NXN: variants seen among roughly 807,000 people sequenced by gnomAD.
NXN encodes the protein nucleoredoxin.
NXN carries 16 observed loss-of-function variants against 48.6 expected under a neutral mutation model. The ratio of observed to expected loss-of-function variants is 0.33; its 90% confidence interval spans 0.22 to 0.50. NXN has a LOEUF of 0.50. NXN is among the 20% of genes least tolerant of loss of function. NXN has a pLI of 0.98. For missense variants in NXN, 492 were observed against 605.5 expected, an observed-to-expected ratio of 0.81 and a Z score of 1.97; for synonymous variants, 281 against 269.6, an observed-to-expected ratio of 1.04 and a Z score of -0.41.
At position 979,241 on chromosome 17, in the gene NXN, G is replaced by GGGTAACGGGCGTGGGGGGCGGGCA. The variant is rs1348144578; in HGVS notation, c.360+54_360+77dup. 16 of 1,076,798 alleles carry GGGTAACGGGCGTGGGGGGCGGGCA rather than the reference G, an allele frequency of 1.5e-5. No homozygotes were observed. The African/African-American group carries it at 3.1e-4, about 21-fold the overall frequency. 66.7% of individuals were successfully genotyped at this position (1,076,798 alleles called of 1,614,324 possible). A position where few individuals can be genotyped will look rare whatever the true frequency, so the allele number is the denominator to read the frequency against. ...GGACAACGGGGTTGGCGGAGGGCAG[G>GGGTAACGGGCGTGGGGGGCGGGCA]GGTAACGGGCGTGGGGGGCGGGCAG... On this transcript the variant is annotated intron_variant, in intron 1 of 7. Coordinates refer to ENST00000336868, the MANE Select transcript of NXN (RefSeq NM_022463.5).
intron 5 of NXN, among the ~76,000 whole-genome samples, chr17:816,429 C>T (rs1038849462): frequency 5.9e-5 from 9 of 152,124 alleles, no homozygotes; most frequent in Admixed American, 2.6e-4. Flanking sequence ...TGCAAGAAAA[C>T]GTGTCGGCCG....
intron 1 of NXN, among the ~76,000 whole-genome samples, chr17:936,144 T>C (rs2068905434): frequency 6.7e-6 from 1 of 149,310 alleles, no homozygotes; most frequent in Admixed American, 6.7e-5. Flanking sequence ...CCATCGATTG[T>C]CCTCCAAAAG....
chr17:977,714 G>A (rs544247304), intron 1 of NXN, among the ~76,000 whole-genome samples: 4 of 152,300 alleles, frequency 2.6e-5, no homozygotes, highest in Middle Eastern at 3.4e-3. Context: ...GAAACTTGCC[G>A]TAACAATGAA....
At chr17:912,980 AAAAG>A (rs1002419415) in intron 1 of NXN, among the ~76,000 whole-genome samples, 1 of 152,126 alleles carries the variant, frequency 6.6e-6, no homozygotes, top group Non-Finnish European at 1.5e-5. Context: ...AAGGACGGAA[AAAAG>A]AAAGAAAGAA....
At chr17:835,121 A>G (rs975406414) in intron 1 of NXN, among the ~76,000 whole-genome samples, 2 of 150,924 alleles carry the variant, frequency 1.3e-5, no homozygotes, top group African/African-American at 2.4e-5. Context: ...ATCCTGGCTA[A>G]CATGGTGAAA....
At chr17:928,188 C>T (rs186134562) in intron 1 of NXN, among the ~76,000 whole-genome samples, 362 of 152,254 alleles carry the variant, frequency 2.4e-3, no homozygotes, top group African/African-American at 6.3e-3. Context: ...AAGTGGGGGT[C>T]TCAAGAGCAC....
In NXN at chr17:917,296, C is replaced by T. The variant is rs1022953114; in HGVS notation, c.360+62023G>A. ...AGCTGGGACTACAGGCGCCCGCCAC[C>T]ATGCCCAGCTAATTTTTTGTATTTT... On this transcript the variant is annotated intron_variant, in intron 1 of 7. Transcript: ENST00000336868. The surrounding 1 kb of genome is among the most constrained non-coding windows in gnomAD (Gnocchi z 4.5). Among the ~76,000 whole-genome samples the T allele has an allele frequency of 6.6e-6, 1 of 152,350 alleles. No individual in the cohort carries two copies. The highest frequency in any genetic ancestry group is 2.1e-4 in the South Asian group (1 of 4,828).
intron 1 of NXN, among the ~76,000 whole-genome samples, chr17:896,187 A>T (rs1439063918): frequency 6.6e-6 from 1 of 151,868 alleles, no homozygotes; most frequent in Non-Finnish European, 1.5e-5. Flanking sequence ...AAAAATACAA[A>T]AAATTAGCCG....
chr17:901,462 T>C (rs2068537125), intron 1 of NXN, among the ~76,000 whole-genome samples: 1 of 152,116 alleles, frequency 6.6e-6, no homozygotes, highest in Non-Finnish European at 1.5e-5. Flanking sequence ...AGATCCCAAG[T>C]GACTCAAATG....
intron 1 of NXN, among the ~76,000 whole-genome samples, chr17:941,352 G>C (rs1216052557): frequency 2.0e-5 from 3 of 147,470 alleles, no homozygotes; most frequent in Admixed American, 2.0e-4. Context: ...CACCTCCCTG[G>C]ATTTACAGTG....
intron 1 of NXN, among the ~76,000 whole-genome samples, chr17:886,813 T>C (rs183749824): frequency 1.3e-5 from 2 of 152,076 alleles, no homozygotes; most frequent in Admixed American, 6.6e-5. Flanking sequence ...TACCTCTTAC[T>C]ACACTGGATG....
intron 1 of NXN, among the ~76,000 whole-genome samples, chr17:887,820 T>C (rs531710778): frequency 1.3e-5 from 2 of 152,170 alleles, no homozygotes; most frequent in African/African-American, 2.4e-5. Flanking sequence ...GAATTCCATT[T>C]GACCCAATTC....
intron 5 of NXN, among the ~76,000 whole-genome samples, chr17:805,575 G>A (rs774133195): frequency 3.3e-5 from 5 of 152,168 alleles, no homozygotes; most frequent in Admixed American, 6.5e-5. Flanking sequence ...GAGTTCATGC[G>A]GTTAAAGAAC....
intron 1 of NXN, among the ~76,000 whole-genome samples, chr17:883,561 T>A (rs1373689238): frequency 6.6e-6 from 1 of 152,226 alleles, no homozygotes; most frequent in Non-Finnish European, 1.5e-5. Context: ...CCAAGAGAGA[T>A]GACTCTGGAG....
chr17:954,629 G>A (rs777938373), intron 1 of NXN, among the ~76,000 whole-genome samples: 20 of 152,316 alleles, frequency 1.3e-4, no homozygotes, highest in Admixed American at 4.6e-4. Flanking sequence ...CCCCAGGGCC[G>A]AGTGCCAGGT....
intron 1 of NXN, among the ~76,000 whole-genome samples, chr17:866,527 G>A (rs1480098880): frequency 6.6e-6 from 1 of 152,150 alleles, no homozygotes; most frequent in Non-Finnish European, 1.5e-5. Context: ...AGCTGAGATC[G>A]CGTCATTGCC....
At position 895,795 on chromosome 17, in the gene NXN, G is replaced by GCGACAGAGCAAGACTCCGTC. The variant is rs1567853109; in HGVS notation, c.361-69718_361-69717insGACGGAGTCTTGCTCTGTCG. ...ATCGCACCACTGCACTCCAGCCTGG[G>GCGACAGAGCAAGACTCCGTC]TTTTGTTTGTCTCAAAAACAAACAA... On this transcript the variant is annotated intron_variant, in intron 1 of 7. Coordinates refer to ENST00000336868, the MANE Select transcript of NXN (RefSeq NM_022463.5). 5.8e-5 allele frequency among the ~76,000 whole-genome samples: 7 copies of GCGACAGAGCAAGACTCCGTC among 120,278 alleles called. 1 individual carries two copies. Among genetic ancestry groups the GCGACAGAGCAAGACTCCGTC allele is most frequent in the Admixed American group, 1.7e-4 (2 of 11,476 alleles). The allele number at this position is 120,278 out of a possible 152,430, so 78.9% of individuals were successfully genotyped here. A position where few individuals can be genotyped will look rare whatever the true frequency, so the allele number is the denominator to read the frequency against.
intron 1 of NXN, among the ~76,000 whole-genome samples, chr17:946,463 G>A (rs896608951): frequency 6.6e-6 from 1 of 152,134 alleles, no homozygotes; most frequent in Non-Finnish European, 1.5e-5. Flanking sequence ...CACCACACCC[G>A]GCCAAAGGCT....
At position 879,282 on chromosome 17, in the gene NXN, TTTTTG is replaced by T. The variant is rs1386952328; in HGVS notation, c.361-53209_361-53205del. On this transcript the variant is annotated intron_variant, in intron 1 of 7. Transcript: ENST00000336868. ...TTTTTTGTTTTGGTTTGGTTTTTGG[TTTTTG>T]GTTTTTTGTTTTTTTTTTTTGAGAC... Among the ~76,000 whole-genome samples the T allele has an allele frequency of 3.4e-5, 5 of 146,208 alleles. No homozygotes were observed. In the East Asian group the frequency reaches 6.0e-4, roughly 18 times the overall value.
Sources: allele counts gnomAD v4.1 joint callset (sites outside exome capture counted in the v4.1 genomes callset), GRCh38; gene constraint gnomAD v4.1.1; non-coding constraint Gnocchi (gnomAD v3.1); transcripts MANE v1.5; gene names NCBI Gene and HGNC (gene_info 2026-07-23, HGNC 2026-07-21).